The following GREB1L variants were observed in gnomAD, a reference collection of about 807,000 sequenced individuals.
GREB1L encodes GREB1-like protein.
Under a neutral mutation model 200.8 loss-of-function variants are expected in GREB1L, and 17 were observed. The observed-to-expected ratio is 0.08, with a 90% confidence interval of 0.06 to 0.13. The LOEUF (loss-of-function observed/expected upper bound fraction) is 0.13. GREB1L is among the 10% of genes least tolerant of loss of function. The pLI is 1.00. For missense variants in GREB1L, 1,657 were observed against 2,367.7 expected (o/e 0.70, Z 6.23); for synonymous variants, 789 against 893.0 (o/e 0.88, Z 2.08).
At chr18:21,487,492 G>A (rs540153523) in intron 18 of GREB1L, among the ~76,000 whole-genome samples, 22 of 152,272 alleles carry the variant, frequency 1.4e-4, no homozygotes, top group African/African-American at 5.1e-4. Context: ...CCTAATAGTA[G>A]CTATGACTTA....
At chr18:21,335,899 G>C (rs546301034) in intron 1 of GREB1L, among the ~76,000 whole-genome samples, 1 of 151,926 alleles carries the variant, frequency 6.6e-6, no homozygotes, top group Non-Finnish European at 1.5e-5. Context: ...TCCTGACCTC[G>C]TGATCCACCT....
intron 1 of GREB1L, among the ~76,000 whole-genome samples, chr18:21,267,187 C>T (rs1339612761): frequency 4.3e-5 from 6 of 140,920 alleles, no homozygotes; most frequent in East Asian, 2.1e-4. Context: ...CTGCCTCGGC[C>T]GCTTTTTTTT....
intron 1 of GREB1L, among the ~76,000 whole-genome samples, chr18:21,271,062 T>C (rs1567916019): frequency 1.3e-5 from 2 of 152,192 alleles, no homozygotes; most frequent in South Asian, 4.1e-4. Context: ...GTACATCATA[T>C]TGATTTAAAG....
chr18:21,277,534 A>G (rs2038188861), intron 1 of GREB1L, among the ~76,000 whole-genome samples: 1 of 152,110 alleles, frequency 6.6e-6, no homozygotes, highest in Admixed American at 6.5e-5. Context: ...TTCAATCCTT[A>G]GCCCCTTTTG....
At chr18:21,438,492 C>T (rs2033684672) in intron 7 of GREB1L, among the ~76,000 whole-genome samples, 1 of 151,672 alleles carries the variant, frequency 6.6e-6, no homozygotes, top group Non-Finnish European at 1.5e-5. Flanking sequence ...TAGCAAGATG[C>T]TCTCTCTTAA....
intron 1 of GREB1L, among the ~76,000 whole-genome samples, chr18:21,263,127 C>T (rs1378440709): frequency 6.6e-6 from 1 of 152,162 alleles, no homozygotes; most frequent in Non-Finnish European, 1.5e-5. Context: ...GAGAATGAAA[C>T]TTGAATCAGT....
chr18:21,440,410 G>T, intron 9 of GREB1L, 22 bp downstream of exon 9: 2 of 1,545,818 alleles, frequency 1.3e-6, no homozygotes, highest in Non-Finnish European at 1.7e-6. Flanking sequence ...ACAGAAGATG[G>T]ATTGTAAGTG....
chr18:21,520,425 C>G (rs993442615), intron 31 of GREB1L, among the ~76,000 whole-genome samples: 1 of 152,148 alleles, frequency 6.6e-6, no homozygotes, highest in South Asian at 2.1e-4. Flanking sequence ...GGGCTTGTTT[C>G]TTACTACTAA....
intron 18 of GREB1L, among the ~76,000 whole-genome samples, chr18:21,488,206 G>T (rs2036199742): frequency 6.6e-6 from 1 of 152,190 alleles, no homozygotes; most frequent in South Asian, 2.1e-4. Context: ...TGAGGCAGGA[G>T]AATTGCTTGA....
At chr18:21,357,076 A>C (rs1187662827) in intron 1 of GREB1L, among the ~76,000 whole-genome samples, 1 of 152,036 alleles carries the variant, frequency 6.6e-6, no homozygotes, top group African/African-American at 2.4e-5. Flanking sequence ...TTTATTTGAG[A>C]TGGAGTCTCA....
intron 13 of GREB1L, among the ~76,000 whole-genome samples, chr18:21,451,540 T>G (rs1193540533): frequency 7.4e-6 from 1 of 135,934 alleles, no homozygotes; most frequent in East Asian, 2.4e-4. Flanking sequence ...CAGGCTGGAG[T>G]GCAGTAGCGT....
At chr18:21,337,744 T>C (rs561280855) in intron 1 of GREB1L, among the ~76,000 whole-genome samples, 1 of 152,278 alleles carries the variant, frequency 6.6e-6, no homozygotes, top group East Asian at 1.9e-4. Flanking sequence ...CCCAGCACTT[T>C]GGGAGGCCGA....
At chr18:21,319,797 A>G (rs2038925058) in intron 1 of GREB1L, among the ~76,000 whole-genome samples, 1 of 152,170 alleles carries the variant, frequency 6.6e-6, no homozygotes, top group Non-Finnish European at 1.5e-5. Context: ...GAAAAGGAGC[A>G]CCCTTAGAGG....
chr18:21,360,521 C>A (rs1217116204), intron 1 of GREB1L, among the ~76,000 whole-genome samples: 7 of 152,214 alleles, frequency 4.6e-5, no homozygotes, highest in African/African-American at 1.7e-4. Context: ...CCACTGCACC[C>A]GGTGACTGAT....
intron 7 of GREB1L, among the ~76,000 whole-genome samples, chr18:21,430,997 TA>T (rs2033108720): frequency 4.6e-4 from 4 of 8,620 alleles, no homozygotes; most frequent in Admixed American, 3.8e-3. Flanking sequence ...TCATTTATTT[TA>T]TTTATTTATT....
chr18:21,511,494 A>G (rs995398829), intron 27 of GREB1L, among the ~76,000 whole-genome samples: 1 of 152,224 alleles, frequency 6.6e-6, no homozygotes, highest in Non-Finnish European at 1.5e-5. Flanking sequence ...GCCAAATTCA[A>G]TGTCACAAGG....
chr18:21,485,449 C>T (rs2036089667), intron 17 of GREB1L, 171 bp from the exon 18 acceptor site: 1 of 487,858 alleles, frequency 2.0e-6, no homozygotes, highest in Non-Finnish European at 3.6e-6. Context: ...TCACTTAGTG[C>T]CTCAGAGATG....
intron 1 of GREB1L, among the ~76,000 whole-genome samples, chr18:21,286,207 G>A (rs1188424614): frequency 5.3e-5 from 8 of 152,186 alleles, no homozygotes; most frequent in African/African-American, 1.9e-4. Flanking sequence ...TTTAGAGGGA[G>A]AACTATCCTG....
intron 2 of GREB1L, among the ~76,000 whole-genome samples, chr18:21,376,650 A>G (rs1480124023): frequency 1.3e-5 from 2 of 151,094 alleles, no homozygotes; most frequent in Non-Finnish European, 3.0e-5. Flanking sequence ...TAAAAACACA[A>G]AAAAATTAGC....
Sources: allele counts gnomAD v4.1 joint callset (sites outside exome capture counted in the v4.1 genomes callset), GRCh38; gene constraint gnomAD v4.1.1; transcripts MANE v1.5; gene names NCBI Gene and HGNC (gene_info 2026-07-23, HGNC 2026-07-21).